Variants in PRKAR2A observed in about 807,000 individuals in gnomAD.
PRKAR2A encodes cAMP-dependent protein kinase type II-alpha regulatory subunit.
In PRKAR2A, 29 loss-of-function variants were observed where a neutral mutation model predicts 51.9. The ratio of observed to expected loss-of-function variants is 0.56; its 90% confidence interval spans 0.42 to 0.76. The LOEUF (loss-of-function observed/expected upper bound fraction) is 0.76, where lower values mean the gene tolerates loss of function less well. Ranked by LOEUF, PRKAR2A falls within the 30% of genes least tolerant of loss-of-function variation. PRKAR2A has a pLI of 0.00. For synonymous variants in PRKAR2A, 178 were observed against 186.2 expected (o/e 0.96, Z 0.36); for missense variants, 445 against 512.1 (o/e 0.87, Z 1.26).
intron 8 of PRKAR2A, among the ~76,000 whole-genome samples, chr3:48,761,533 A>T (rs1183363237): frequency 6.6e-6 from 1 of 152,212 alleles, no homozygotes; most frequent in Non-Finnish European, 1.5e-5. Flanking sequence ...TAGATGTTGA[A>T]ACAACATTTT....
intron 1 of PRKAR2A, among the ~76,000 whole-genome samples, chr3:48,834,308 T>C (rs1367455040): frequency 2.6e-5 from 4 of 151,862 alleles, no homozygotes; most frequent in African/African-American, 4.8e-5. Flanking sequence ...TCCTGTGAGG[T>C]AGAGGCATAA....
chr3:48,798,013 C>T (rs908478991), intron 2 of PRKAR2A, among the ~76,000 whole-genome samples: 24 of 152,060 alleles, frequency 1.6e-4, no homozygotes, highest in Non-Finnish European at 2.9e-4. Flanking sequence ...AGTGCAATGG[C>T]GTCATCTTGG....
At chr3:48,788,860 T>C (rs73080359) in intron 4 of PRKAR2A, among the ~76,000 whole-genome samples, 1 of 152,136 alleles carries the variant, frequency 6.6e-6, no homozygotes, top group Non-Finnish European at 1.5e-5. Context: ...TTACAGTATT[T>C]TGTTATAGCA....
At chr3:48,746,394 T>TAC (rs1357883763), downstream of PRKAR2A, among the ~76,000 whole-genome samples, 2 of 134,502 alleles carry the variant, frequency 1.5e-5, no homozygotes, top group Non-Finnish European at 3.2e-5. Flanking sequence ...TTTATACACA[T>TAC]ACACACACAC....
intron 4 of PRKAR2A, among the ~76,000 whole-genome samples, chr3:48,786,032 G>T (rs2082284986): frequency 6.6e-6 from 1 of 151,770 alleles, no homozygotes. Flanking sequence ...TGTTAGTAAG[G>T]GTATGAAGCA....
chr3:48,829,872 T>TC (rs1491401730), intron 1 of PRKAR2A, among the ~76,000 whole-genome samples: 1 of 59,692 alleles, frequency 1.7e-5, no homozygotes, highest in Admixed American at 2.1e-4. Flanking sequence ...TATATATATA[T>TC]TTTTTTTTTT....
chr3:48,751,228 A>AAGCAAGAGTAGC lies in PRKAR2A; in HGVS notation c.*345_*356dup. ...CTGCAGACCCTGTGGTAACTTCCAAAAGCAAGAGTAGCAGCAAGAGAGGAA... is the reference window on the plus strand; with the variant it reads ...CTGCAGACCCTGTGGTAACTTCCAAAAGCAAGAGTAGCAGCAAGAGTAGCAGCAAGAGAGGAA... On this transcript the variant is annotated 3_prime_UTR_variant, in exon 11 of 11. Transcript: ENST00000265563. The AAGCAAGAGTAGC allele has an allele frequency of 2.2e-6, 1 of 460,164 alleles. No homozygotes were observed. The highest frequency in any genetic ancestry group is 6.4e-5 in the East Asian group (1 of 15,656). The allele number at this position is 460,164 out of a possible 1,614,324, so 28.5% of individuals were successfully genotyped here. A position where few individuals can be genotyped will look rare whatever the true frequency, so the allele number is the denominator to read the frequency against.
intron 8 of PRKAR2A, among the ~76,000 whole-genome samples, chr3:48,763,672 C>T (rs943291215): frequency 2.0e-5 from 3 of 152,268 alleles, no homozygotes; most frequent in South Asian, 4.1e-4. Context: ...GGACCTTTCC[C>T]TGATCCCAAA....
chr3:48,799,724 A>C lies in PRKAR2A; in HGVS notation c.299-5675T>G, dbSNP rs569549571. On this transcript the variant is annotated intron_variant, in intron 2 of 10. Coordinates refer to ENST00000265563, the MANE Select transcript of PRKAR2A (RefSeq NM_004157.4). ...AGTGGACTGTTCTGCTGCCTGTCAC[A>C]GTCATCACTAGAGTCAAAATATTCT... 2.4e-3 allele frequency among the ~76,000 whole-genome samples: 367 copies of C among 152,352 alleles called. 3 individuals carry two copies. The highest frequency in any genetic ancestry group is 8.4e-3 in the African/African-American group (349 of 41,578).
Position 48,847,598 on chromosome 3 carries a change from C to T in PRKAR2A, c.-2G>A, listed in dbSNP as rs538220232. 28 of 1,479,010 alleles carry T rather than the reference C, an allele frequency of 1.9e-5. No individual in the cohort carries two copies. The highest frequency in any genetic ancestry group is 2.6e-5 in the East Asian group (1 of 38,328). 91.6% of individuals were successfully genotyped at this position (1,479,010 alleles called of 1,614,324 possible). ...CGGCGGGATCTGGATGTGGCTCATG[C>T]CGGCGGCGGCCGAAGGGATAGACGG... is the stretch of plus-strand genomic sequence containing the variant. On this transcript the variant is annotated 5_prime_UTR_variant, in exon 1 of 11. Transcript: ENST00000265563. This position sits in a 1 kb window ranked among gnomAD's most constrained non-coding sequence, Gnocchi z 4.4.
intron 1 of PRKAR2A, among the ~76,000 whole-genome samples, chr3:48,824,864 T>C (rs1008827018): frequency 6.6e-6 from 1 of 151,376 alleles, no homozygotes; most frequent in Non-Finnish European, 1.5e-5. Context: ...GAGAATCACT[T>C]GAACCCGGGA....
intron 1 of PRKAR2A, among the ~76,000 whole-genome samples, chr3:48,819,589 C>T (rs2082928078): frequency 6.6e-6 from 1 of 152,094 alleles, no homozygotes. Flanking sequence ...AAATAAATTC[C>T]ACCATTCCAT....
At chr3:48,807,079 T>C (rs1005145701) in intron 2 of PRKAR2A, among the ~76,000 whole-genome samples, 2 of 152,114 alleles carry the variant, frequency 1.3e-5, no homozygotes, top group African/African-American at 4.8e-5. Context: ...ACAGCATTCA[T>C]TTTTTTAACA....
chr3:48,774,709 A>C (rs62261500), intron 5 of PRKAR2A, among the ~76,000 whole-genome samples: 4 of 152,070 alleles, frequency 2.6e-5, no homozygotes, highest in Non-Finnish European at 5.9e-5. Context: ...TATCTTATTT[A>C]CCTTAATATA....
chr3:48,805,425 T>C (rs2082664452), intron 2 of PRKAR2A, among the ~76,000 whole-genome samples: 1 of 152,150 alleles, frequency 6.6e-6, no homozygotes, highest in Non-Finnish European at 1.5e-5. Context: ...AGGGTGAGAA[T>C]TTGGCGGATT....
Position 48,794,063 on chromosome 3 carries a change from GA to G in PRKAR2A, c.299-15del, listed in dbSNP as rs766875352. On this transcript the variant is annotated splice_polypyrimidine_tract_variant and intron_variant, in intron 2 of 10. Coordinates refer to ENST00000265563, the MANE Select transcript of PRKAR2A (RefSeq NM_004157.4). ...TCTCAGCACAGACTAAAATTGGAGA[GA>G]AAAAAACAAAAAGAATGAATTTAAC... 2.5e-6 allele frequency: 4 copies of G among 1,573,988 alleles called. No individual in the cohort carries two copies. Among genetic ancestry groups the G allele is most frequent in the East Asian group, 2.2e-5 (1 of 44,458 alleles).
chr3:48,804,382 G>A (rs768584801), intron 2 of PRKAR2A, among the ~76,000 whole-genome samples: 1 of 152,154 alleles, frequency 6.6e-6, no homozygotes, highest in Non-Finnish European at 1.5e-5. Context: ...GATCACTGGA[G>A]CCTAGGAAGT....
At chr3:48,766,447 T>C (rs2081943841) in intron 6 of PRKAR2A, among the ~76,000 whole-genome samples, 1 of 151,830 alleles carries the variant, frequency 6.6e-6, no homozygotes, top group Non-Finnish European at 1.5e-5. Context: ...GTTTGTCTAG[T>C]CCCAGCTAGT....
chr3:48,807,558 G>A, intron 2 of PRKAR2A, 91 bp downstream of exon 2: 2 of 1,057,938 alleles, frequency 1.9e-6, no homozygotes, highest in African/African-American at 1.6e-5. Flanking sequence ...TGTGATGGGA[G>A]CTTATCTTTT....
Sources: gnomAD v4.1 joint callset for allele counts (sites outside exome capture counted in the v4.1 genomes callset) on GRCh38, gnomAD v4.1.1 for gene constraint, Gnocchi (gnomAD v3.1) non-coding constraint, MANE v1.5 for transcripts, NCBI Gene and HGNC (gene_info 2026-07-23, HGNC 2026-07-21) for gene names.